PDE2A: variants seen among roughly 807,000 people sequenced by gnomAD.
PDE2A encodes phosphodiesterase 2A.
Under a neutral mutation model 133.6 loss-of-function variants are expected in PDE2A, and 53 were observed. The ratio of observed to expected loss-of-function variants is 0.40; its 90% confidence interval spans 0.32 to 0.50. PDE2A has a LOEUF of 0.50. Ranked by LOEUF, PDE2A falls within the 20% of genes least tolerant of loss-of-function variation. PDE2A has a pLI of 0.73. For synonymous variants in PDE2A, 491 were observed against 490.2 expected, an observed-to-expected ratio of 1.00 and a Z score of -0.02; for missense variants, 796 against 1,232.4, an observed-to-expected ratio of 0.65 and a Z score of 5.30.
Position 72,626,043 on chromosome 11 carries a change from C to T in PDE2A, c.144+16211G>A, listed in dbSNP as rs145953635. The stretch of plus-strand genomic sequence containing the variant: ...ACCTGCCTGCGCCTCTATGCCAGCT[C>T]CTGCCTTTCCCTGAGTCTCAACTCC... On this transcript the variant is annotated intron_variant, in intron 2 of 30. Transcript: ENST00000334456. 7.5e-3 allele frequency among the ~76,000 whole-genome samples: 1,145 copies of T among 152,384 alleles called. 9 individuals are homozygous for T. Among genetic ancestry groups the T allele is most frequent in the South Asian group, 0.018 (85 of 4,828 alleles).
At chr11:72,612,275 C>CCACACACA (rs55775130) in intron 2 of PDE2A, among the ~76,000 whole-genome samples, 189 of 124,256 alleles carry the variant, frequency 1.5e-3, no homozygotes, top group African/African-American at 4.7e-3. Context: ...CACATCACAT[C>CCACACACA]CACACACACA....
At chr11:72,668,172 C>T in intron 1 of PDE2A, 1 of 707,172 alleles carries the variant, frequency 1.4e-6, no homozygotes, top group Non-Finnish European at 2.6e-6. Flanking sequence ...GCCGAGATGT[C>T]TCACATCCAA....
In PDE2A at chr11:72,589,735, CA is replaced by C. The variant is rs1397401198; in HGVS notation, c.873+15del. On this transcript the variant is annotated intron_variant, in intron 11 of 30. Coordinates refer to ENST00000334456, the MANE Select transcript of PDE2A (RefSeq NM_002599.5). ...GCCCCTGCAGACTCCAACGAGAAGA[CA>C]GACGCGGGACTCACGGGAAAGCTGA... The C allele has an allele frequency of 2.5e-6, 4 of 1,613,374 alleles. No individual in the cohort carries two copies. The highest frequency in any genetic ancestry group is 3.4e-6 in the Non-Finnish European group (4 of 1,179,596).
At chr11:72,632,483 G>T (rs1858456418) in intron 2 of PDE2A, among the ~76,000 whole-genome samples, 1 of 152,148 alleles carries the variant, frequency 6.6e-6, no homozygotes, top group African/African-American at 2.4e-5. Flanking sequence ...CTGCAGCCCA[G>T]GGTGTGGCAG....
chr11:72,589,292 G>A, intron 11 of PDE2A, 52 bp from the exon 12 acceptor site: 1 of 1,346,034 alleles, frequency 7.4e-7, no homozygotes, highest in Non-Finnish European at 1.1e-6. Flanking sequence ...CAGGTCAGGG[G>A]ATCTCAACCT....
In PDE2A at chr11:72,586,112, G is replaced by A. The variant is rs766108349; in HGVS notation, c.1140C>T (p.Thr380=). 33 of 1,612,970 alleles carry A rather than the reference G, an allele frequency of 2.0e-5. No individual in the cohort carries two copies. The African/African-American group carries it at 4.3e-4, about 21-fold the overall frequency. ...GTTTCTGTTCCTTCTGGAAGGCCAG[G>A]GTGCTGGTGAGCACGGTGCTGGTGT... ...FHYTSTVLTS[T]LAFQKEQKLK... Residue 380 remains threonine (T), a synonymous_variant, in exon 14 of 31, where the codon ACC becomes ACT. Coordinates refer to ENST00000334456, the MANE Select transcript of PDE2A (RefSeq NM_002599.5).
intron 2 of PDE2A, among the ~76,000 whole-genome samples, chr11:72,609,931 T>C (rs341084): frequency 0.99 from 149,938 of 151,312 alleles, 74,306 homozygotes; most frequent in Middle Eastern, 1. Flanking sequence ...AATGCTCAAA[T>C]TGCAGGCCAT....
intron 2 of PDE2A, among the ~76,000 whole-genome samples, chr11:72,641,109 G>T (rs71477739): frequency 1.3e-5 from 2 of 152,024 alleles, no homozygotes; most frequent in African/African-American, 2.4e-5. Flanking sequence ...ACATCCCACC[G>T]CAGGTTGACA....
At chr11:72,588,137 C>T (rs1250871826) in intron 13 of PDE2A, among the ~76,000 whole-genome samples, 5 of 152,184 alleles carry the variant, frequency 3.3e-5, no homozygotes, top group Admixed American at 1.3e-4. Flanking sequence ...GCTCATCAGA[C>T]GCAGCACTGT....
At chr11:72,635,394 T>C (rs1360505642) in intron 2 of PDE2A, among the ~76,000 whole-genome samples, 2 of 152,212 alleles carry the variant, frequency 1.3e-5, no homozygotes, top group African/African-American at 2.4e-5. Context: ...TGGTTGCAGC[T>C]CTTCCCAGCA....
At chr11:72,648,534 A>G (rs405851) in intron 1 of PDE2A, among the ~76,000 whole-genome samples, 22,615 of 152,196 alleles carry the variant, frequency 0.15, 1,769 homozygotes, top group African/African-American at 0.16. Flanking sequence ...AGGGTGGGTC[A>G]GCCACAGGCC....
intron 1 of PDE2A, among the ~76,000 whole-genome samples, chr11:72,662,869 T>G (rs1855108492): frequency 6.6e-6 from 1 of 152,134 alleles, no homozygotes; most frequent in South Asian, 2.1e-4. Flanking sequence ...GCTTAAACTT[T>G]CCTCTGCTTC....
chr11:72,583,027 C>T (rs992319138), intron 20 of PDE2A, among the ~76,000 whole-genome samples: 2 of 152,210 alleles, frequency 1.3e-5, no homozygotes, highest in African/African-American at 4.8e-5. Flanking sequence ...ACTAAGCCAG[C>T]TTTTGTGACC....
intron 2 of PDE2A, among the ~76,000 whole-genome samples, chr11:72,613,421 A>T (rs1316172976): frequency 6.6e-6 from 1 of 151,258 alleles, no homozygotes; most frequent in Admixed American, 6.6e-5. Flanking sequence ...GTCCTTCTAG[A>T]TCCCCCAGGA....
intron 2 of PDE2A, among the ~76,000 whole-genome samples, chr11:72,630,805 TG>T (rs1858336710): frequency 6.6e-6 from 1 of 151,372 alleles, no homozygotes; most frequent in Admixed American, 6.6e-5. Context: ...CGGGAATTGT[TG>T]GGTGAGGGTG....
chr11:72,667,510 TGGA>T (rs1338452439), intron 1 of PDE2A, among the ~76,000 whole-genome samples: 1 of 151,990 alleles, frequency 6.6e-6, no homozygotes, highest in East Asian at 1.9e-4. Flanking sequence ...TCAATGGAGG[TGGA>T]GAACAATGGG....
intron 1 of PDE2A, among the ~76,000 whole-genome samples, chr11:72,655,379 C>A (rs1451286536): frequency 6.6e-6 from 1 of 152,260 alleles, no homozygotes; most frequent in African/African-American, 2.4e-5. Flanking sequence ...AGTGACCCCT[C>A]ATGCCCTCTG....
intron 6 of PDE2A, among the ~76,000 whole-genome samples, chr11:72,592,139 C>G (rs1279109962): frequency 1.3e-5 from 2 of 152,176 alleles, no homozygotes; most frequent in Non-Finnish European, 2.9e-5. Context: ...TCCCTTCCCC[C>G]ACTCCTACTT....
chr11:72,662,043 T>C (rs900355590), intron 1 of PDE2A, among the ~76,000 whole-genome samples: 5 of 152,198 alleles, frequency 3.3e-5, no homozygotes, highest in Non-Finnish European at 7.4e-5. Context: ...TGTATATTTA[T>C]GTTGGTGTTC....
Sources: gnomAD v4.1 joint callset for allele counts (sites outside exome capture counted in the v4.1 genomes callset) on GRCh38, gnomAD v4.1.1 for gene constraint, MANE v1.5 for transcripts, NCBI Gene and HGNC (gene_info 2026-07-23, HGNC 2026-07-21) for gene names.